Variants in CAPSL observed in about 807,000 individuals in gnomAD.
The protein encoded by CAPSL is calcyphosine like.
CAPSL carries 17 observed loss-of-function variants against 21.3 expected under a neutral mutation model. The observed-to-expected ratio is 0.80, with a 90% CI of 0.55 to 1.20. CAPSL has a LOEUF of 1.20. Ranked by LOEUF, CAPSL falls within the 50% of genes most tolerant of loss-of-function variation. The probability of loss-of-function intolerance (pLI) is 0.00; values close to 1 mark genes in which losing one functional copy is unlikely to be tolerated. For missense variants in CAPSL, 289 were observed against 259.3 expected (o/e 1.11, Z -0.79); for synonymous variants, 102 against 89.3 (o/e 1.14, Z -0.80).
intron 1 of CAPSL, among the ~76,000 whole-genome samples, chr5:35,929,734 G>A (rs1738774143): frequency 6.6e-6 from 1 of 152,182 alleles, no homozygotes; most frequent in Non-Finnish European, 1.5e-5. Context: ...GCTTTGGAGT[G>A]CTGCTAGATT....
intron 2 of CAPSL, among the ~76,000 whole-genome samples, chr5:35,911,102 C>A (rs139064501): frequency 4.7e-4 from 72 of 152,216 alleles, no homozygotes; most frequent in African/African-American, 1.6e-3. Flanking sequence ...AAAAAGAAAT[C>A]CCTACATCCA....
At chr5:35,914,758 G>A (rs547405192) in intron 2 of CAPSL, among the ~76,000 whole-genome samples, 1 of 152,092 alleles carries the variant, frequency 6.6e-6, no homozygotes. Flanking sequence ...GAGAAAGCAG[G>A]AAAGATCTAA....
rs1446782041 is a variant in CAPSL at position 35,910,049 on chromosome 5, C to G, written c.342G>C (p.Glu114Asp). Residue 114 changes from glutamate to aspartate, a missense_variant, in exon 4 of 5, where the codon GAG becomes GAC. By Grantham distance (45) the Glu-to-Asp change is conservative. Transcript: ENST00000651391. Reference sequence around the variant, plus strand: ...ACTTTCTAAAAGCTTGCATGATTACCTCTTTTCTGGCTCTGGACATTGGAG... The same window carrying G: ...ACTTTCTAAAAGCTTGCATGATTACGTCTTTTCTGGCTCTGGACATTGGAG... ...LRPPMSRARK[E>D]VIMQAFRKLD... is the part of the protein sequence containing the mutation. The G allele has an allele frequency of 6.2e-7, 1 of 1,612,252 alleles. No homozygotes were observed. Among genetic ancestry groups the G allele is most frequent in the Non-Finnish European group, 8.5e-7 (1 of 1,179,410 alleles).
At position 35,929,446 on chromosome 5, in the gene CAPSL, C is replaced by A. The variant is rs145743068; in HGVS notation, c.1-8326G>T. Among the ~76,000 whole-genome samples the A allele has an allele frequency of 6.1e-3, 924 of 152,184 alleles. 18 individuals are homozygous for A. Among genetic ancestry groups the A allele is most frequent in the East Asian group, 0.054 (281 of 5,162 alleles). On this transcript the variant is annotated intron_variant, in intron 1 of 4. Transcript: ENST00000651391. ...TAGCTAGGAATACAGGCACCTGCCA[C>A]CACACCCAGCTGATTTTTGTATTTT...
chr5:35,904,869 C>A (rs1230855928), intron 4 of CAPSL: 1 of 318,880 alleles, frequency 3.1e-6, no homozygotes, highest in Non-Finnish European at 4.5e-6. Flanking sequence ...TCTAAGCCAA[C>A]CTAAATGGAA....
chr5:35,910,196 G>C, intron 3 of CAPSL, 121 bp from the exon 4 acceptor site: 1 of 1,089,622 alleles, frequency 9.2e-7, no homozygotes, highest in Non-Finnish European at 1.3e-6. Flanking sequence ...GTGCTATTAT[G>C]TAATAGACAC....
chr5:35,920,919 T>G, intron 2 of CAPSL, 65 bp downstream of exon 2: 1 of 1,565,108 alleles, frequency 6.4e-7, no homozygotes, highest in Non-Finnish European at 8.7e-7. Context: ...GTGGCCAACA[T>G]TAGCCTCACC....
chr5:35,936,621 T>A (rs1738953878), intron 1 of CAPSL, among the ~76,000 whole-genome samples: 1 of 152,168 alleles, frequency 6.6e-6, no homozygotes, highest in South Asian at 2.1e-4. Context: ...TTCTTCCTTT[T>A]TAACACCCTT....
intron 2 of CAPSL, among the ~76,000 whole-genome samples, chr5:35,914,457 A>G (rs1719692198): frequency 6.6e-6 from 1 of 152,246 alleles, no homozygotes; most frequent in Non-Finnish European, 1.5e-5. Flanking sequence ...ACATAATTGG[A>G]AGTAAAACAC....
In CAPSL at chr5:35,923,713, CAGAA is replaced by C. The variant is rs1368861972; in HGVS notation, c.1-2597_1-2594del. Among the ~76,000 whole-genome samples, 9 of 137,762 alleles carry C rather than the reference CAGAA, an allele frequency of 6.5e-5. No homozygotes were observed. In the East Asian group the frequency reaches 1.8e-3, roughly 28 times the overall value. 90.4% of individuals were successfully genotyped at this position (137,762 alleles called of 152,430 possible). A position where few individuals can be genotyped will look rare whatever the true frequency, so the allele number is the denominator to read the frequency against. On this transcript the variant is annotated intron_variant, in intron 1 of 4. Transcript: ENST00000651391. ...TTCAGAATAGGCAAATTCATAGAGA[CAGAA>C]AGCAAATTAATGGTTGCAAGGGGCT...
intron 2 of CAPSL, among the ~76,000 whole-genome samples, chr5:35,912,364 G>C (rs1738249742): frequency 6.6e-6 from 1 of 152,156 alleles, no homozygotes; most frequent in Non-Finnish European, 1.5e-5. Flanking sequence ...AGAGAGTAAT[G>C]GTTCTCCCAG....
intron 1 of CAPSL, among the ~76,000 whole-genome samples, chr5:35,924,736 A>G (rs1452234741): frequency 3.3e-5 from 5 of 152,190 alleles, no homozygotes; most frequent in Admixed American, 2.6e-4. Flanking sequence ...TACTCAGAGG[A>G]GCAAGCCCTT....
chr5:35,935,433 A>T (rs1471295006), intron 1 of CAPSL, among the ~76,000 whole-genome samples: 1 of 151,808 alleles, frequency 6.6e-6, no homozygotes, highest in Non-Finnish European at 1.5e-5. Flanking sequence ...CCTGGGCACA[A>T]GTGATCCTCC....
intron 1 of CAPSL, among the ~76,000 whole-genome samples, chr5:35,922,685 C>G (rs1561441232): frequency 6.6e-6 from 1 of 152,206 alleles, no homozygotes; most frequent in Non-Finnish European, 1.5e-5. Flanking sequence ...TGTTCCAATT[C>G]TCATCCAACA....
chr5:35,914,148 A>G (rs914225625), intron 2 of CAPSL, among the ~76,000 whole-genome samples: 8 of 152,262 alleles, frequency 5.3e-5, no homozygotes, highest in Admixed American at 2.0e-4. Flanking sequence ...CAATTCAACA[A>G]GAAGAGCTAA....
At chr5:35,918,610 A>G (rs1580887219) in intron 2 of CAPSL, among the ~76,000 whole-genome samples, 1 of 152,284 alleles carries the variant, frequency 6.6e-6, no homozygotes, top group East Asian at 1.9e-4. Flanking sequence ...TTAAAGAATA[A>G]TTTTTTTAAA....
intron 4 of CAPSL, among the ~76,000 whole-genome samples, chr5:35,905,765 G>A (rs1188991373): frequency 6.6e-6 from 1 of 152,090 alleles, no homozygotes; most frequent in Non-Finnish European, 1.5e-5. Context: ...TCTTTCTCAT[G>A]TTGTGTGAGG....
At chr5:35,929,635 T>C (rs182881039) in intron 1 of CAPSL, among the ~76,000 whole-genome samples, 63 of 152,302 alleles carry the variant, frequency 4.1e-4, no homozygotes, top group Admixed American at 1.4e-3. Flanking sequence ...CACCATGATG[T>C]TGCTTAAAAC....
At chr5:35,907,273 A>G (rs917194310) in intron 4 of CAPSL, among the ~76,000 whole-genome samples, 1 of 152,178 alleles carries the variant, frequency 6.6e-6, no homozygotes, top group Non-Finnish European at 1.5e-5. Flanking sequence ...AATCTAGGTT[A>G]CTATTAATAC....
Sources: allele counts gnomAD v4.1 joint callset (sites outside exome capture counted in the v4.1 genomes callset), GRCh38; gene constraint gnomAD v4.1.1; transcripts MANE v1.5; gene names NCBI Gene and HGNC (gene_info 2026-07-23, HGNC 2026-07-21).